Variants in SIPA1L1 observed in about 807,000 individuals in gnomAD.
SIPA1L1 encodes the protein signal-induced proliferation-associated 1-like protein 1.
A neutral mutation model predicts 162.7 loss-of-function variants in SIPA1L1; 26 were observed. The ratio of observed to expected loss-of-function variants is 0.16; its 90% CI spans 0.12 to 0.22. The LOEUF is 0.22. SIPA1L1 is among the 10% of genes least tolerant of loss of function. The pLI, the probability that SIPA1L1 is intolerant of heterozygous loss-of-function variation, is 1.00. For synonymous variants in SIPA1L1, 829 were observed against 837.4 expected, an observed-to-expected ratio of 0.99 and a Z score of 0.17; for missense variants, 1,874 against 2,241.0, an observed-to-expected ratio of 0.84 and a Z score of 3.31.
At chr14:71,511,945 A>G (rs913492575) in intron 2 of SIPA1L1, among the ~76,000 whole-genome samples, 31 of 152,254 alleles carry the variant, frequency 2.0e-4, no homozygotes, top group African/African-American at 7.0e-4. Context: ...CCCTTACCCC[A>G]CGATATGCAT....
chr14:71,571,785 G>T (rs917607146), intron 4 of SIPA1L1, among the ~76,000 whole-genome samples: 7 of 151,114 alleles, frequency 4.6e-5, no homozygotes, highest in Non-Finnish European at 7.4e-5. Context: ...GGGACTACAG[G>T]CGCCTGCCAC....
At chr14:71,379,911 G>T (rs2039751475) in intron 2 of SIPA1L1, among the ~76,000 whole-genome samples, 2 of 152,150 alleles carry the variant, frequency 1.3e-5, no homozygotes, top group Non-Finnish European at 2.9e-5. Context: ...CACATAAAAT[G>T]TTTTTGTAAA....
intron 4 of SIPA1L1, among the ~76,000 whole-genome samples, chr14:71,539,156 C>T (rs947737468): frequency 6.6e-6 from 1 of 152,208 alleles, no homozygotes; most frequent in Non-Finnish European, 1.5e-5. Flanking sequence ...AGTGCACACT[C>T]CATTCAAGGA....
At chr14:71,559,544 G>A (rs531882827) in intron 4 of SIPA1L1, among the ~76,000 whole-genome samples, 2 of 152,252 alleles carry the variant, frequency 1.3e-5, no homozygotes, top group South Asian at 4.1e-4. Flanking sequence ...CATTTATGGT[G>A]GTAAGGGTCT....
At chr14:71,346,649 A>C (rs903016054) in intron 2 of SIPA1L1, among the ~76,000 whole-genome samples, 1 of 152,360 alleles carries the variant, frequency 6.6e-6, no homozygotes, top group East Asian at 1.9e-4. Context: ...AAGTCAACAA[A>C]GTGTTCAGGG....
intron 7 of SIPA1L1, among the ~76,000 whole-genome samples, chr14:71,641,060 G>A (rs577532399): frequency 2.0e-5 from 3 of 152,186 alleles, no homozygotes; most frequent in South Asian, 4.1e-4. Flanking sequence ...ACTAAAGAAC[G>A]GAGACAAGAA....
intron 2 of SIPA1L1, among the ~76,000 whole-genome samples, chr14:71,484,966 C>G (rs2048634954): frequency 6.6e-6 from 1 of 152,174 alleles, no homozygotes; most frequent in Non-Finnish European, 1.5e-5. Context: ...ACTTCTGATT[C>G]TGCACAAAGA....
At chr14:71,666,803 C>T (rs2044046199) in intron 10 of SIPA1L1, among the ~76,000 whole-genome samples, 1 of 146,370 alleles carries the variant, frequency 6.8e-6, no homozygotes, top group Admixed American at 7.0e-5. Context: ...AAATGTCTAG[C>T]ATAGGCAGGG....
chr14:71,393,531 G>C (rs1472981401), intron 2 of SIPA1L1, among the ~76,000 whole-genome samples: 1 of 152,166 alleles, frequency 6.6e-6, no homozygotes, highest in East Asian at 1.9e-4. Context: ...TTTGTGGCTG[G>C]GCGTGGAGGC....
intron 2 of SIPA1L1, among the ~76,000 whole-genome samples, chr14:71,356,497 G>A (rs921725238): frequency 1.1e-4 from 15 of 139,578 alleles, no homozygotes; most frequent in African/African-American, 3.5e-4. Context: ...TTGGGAGGCC[G>A]TGGCAGGAGG....
chr14:71,624,301 A>C lies in SIPA1L1; in HGVS notation c.1818+65A>C, dbSNP rs1187551031. 6.8e-6 allele frequency: 9 copies of C among 1,327,056 alleles called. No individual in the cohort carries two copies. In the Admixed American group the frequency reaches 9.8e-5, roughly 14 times the overall value. The allele number at this position is 1,327,056 out of a possible 1,614,324, so 82.2% of individuals were successfully genotyped here. A position where few individuals can be genotyped will look rare whatever the true frequency, so the allele number is the denominator to read the frequency against. On this transcript the variant is annotated intron_variant, in intron 7 of 23. Coordinates refer to ENST00000381232, the MANE Select transcript of SIPA1L1 (RefSeq NM_001386936.1). ...TTATTGCTAGGCTTCCGGAATACAG[A>C]CCTTAATGTTTCTTGTTTTGATGGA...
chr14:71,721,513 T>C (rs1456341894), intron 17 of SIPA1L1, among the ~76,000 whole-genome samples: 2 of 152,176 alleles, frequency 1.3e-5, no homozygotes, highest in African/African-American at 4.8e-5. Context: ...GTCTGGGCTT[T>C]TCGCTTCAGG....
At chr14:71,440,411 G>C (rs1299594169) in intron 2 of SIPA1L1, among the ~76,000 whole-genome samples, 5 of 151,886 alleles carry the variant, frequency 3.3e-5, no homozygotes, top group Admixed American at 6.6e-5. Context: ...TCAGCATTTT[G>C]GGCAGCCGAG....
chr14:71,544,094 C>T (rs2145923483), intron 4 of SIPA1L1, among the ~76,000 whole-genome samples: 1 of 142,670 alleles, frequency 7.0e-6, no homozygotes, highest in South Asian at 2.2e-4. Flanking sequence ...TGTATATACA[C>T]ACGCACATGT....
chr14:71,642,336 T>C (rs2041797667), intron 7 of SIPA1L1, among the ~76,000 whole-genome samples: 2 of 152,170 alleles, frequency 1.3e-5, no homozygotes, highest in South Asian at 4.2e-4. Context: ...CCAGGGAGGC[T>C]AGAATTCGCA....
intron 2 of SIPA1L1, among the ~76,000 whole-genome samples, chr14:71,459,936 G>C (rs974573863): frequency 6.6e-6 from 1 of 152,000 alleles, no homozygotes. Flanking sequence ...ACAATAATAA[G>C]GTCATAATTA....
At chr14:71,403,599 C>CA (rs147285643) in intron 2 of SIPA1L1, among the ~76,000 whole-genome samples, 3,665 of 68,816 alleles carry the variant, frequency 0.053, 159 homozygotes, top group East Asian at 0.16. Context: ...GACTCTGTCT[C>CA]AAAAAAAAAA....
intron 2 of SIPA1L1, among the ~76,000 whole-genome samples, chr14:71,397,041 G>A (rs1377284566): frequency 6.6e-6 from 1 of 152,158 alleles, no homozygotes; most frequent in Non-Finnish European, 1.5e-5. Context: ...TCTAGGACCG[G>A]CCTCTGTGTG....
intron 12 of SIPA1L1, among the ~76,000 whole-genome samples, chr14:71,677,866 G>A (rs551563179): frequency 6.6e-6 from 1 of 152,254 alleles, no homozygotes; most frequent in East Asian, 1.9e-4. Context: ...ATGCTGTTTT[G>A]GTTACTGTAG....
Sources: allele counts gnomAD v4.1 joint callset (sites outside exome capture counted in the v4.1 genomes callset), GRCh38; gene constraint gnomAD v4.1.1; transcripts MANE v1.5; gene names NCBI Gene and HGNC (gene_info 2026-07-23, HGNC 2026-07-21).